FIRRM: variants seen among roughly 807,000 people sequenced by gnomAD.
FIRRM encodes the protein FIGNL1-interacting regulator of recombination and mitosis.
chr1:169,803,421 ACTTT>A, the FIRRM span: 14 of 1,056,918 alleles, frequency 1.3e-5, no homozygotes, highest in Admixed American at 1.2e-4. Flanking sequence ...ATTGAAATAA[ACTTT>A]TCCATAGAAT....
At chr1:169,811,812 A>ATTAT in the FIRRM span, among the ~76,000 whole-genome samples, 147 of 143,044 alleles carry the variant, frequency 1.0e-3, 5 homozygotes, top group East Asian at 9.8e-3. Context: ...TAGATAATAG[A>ATTAT]CAGATTATCT....
At chr1:169,823,273 A>AG in the FIRRM span, 8 of 503,416 alleles carry the variant, frequency 1.6e-5, no homozygotes, top group Non-Finnish European at 2.1e-5. Context: ...AGAAAAGAAA[A>AG]GAAAGAAAAA....
chr1:169,819,768 C>T, the FIRRM span, among the ~76,000 whole-genome samples: 1 of 152,124 alleles, frequency 6.6e-6, no homozygotes, highest in South Asian at 2.1e-4. Flanking sequence ...GGTAACCTTC[C>T]AGGTGCTCAG....
chr1:169,825,291 T>A, the FIRRM span, among the ~76,000 whole-genome samples: 1 of 152,358 alleles, frequency 6.6e-6, no homozygotes, highest in South Asian at 2.1e-4. Flanking sequence ...AAAATGACTT[T>A]CATCAATGGA....
At chr1:169,785,747 T>A in the FIRRM span, among the ~76,000 whole-genome samples, 2 of 152,216 alleles carry the variant, frequency 1.3e-5, no homozygotes, top group Middle Eastern at 3.4e-3. Flanking sequence ...GGAATGCCTC[T>A]TCTCACTTAG....
the FIRRM span, among the ~76,000 whole-genome samples, chr1:169,790,565 C>A: frequency 1.3e-5 from 2 of 152,130 alleles, no homozygotes; most frequent in Admixed American, 6.5e-5. Context: ...ACTTGCTGGA[C>A]CCTCTCCCTG....
chr1:169,853,311 T>TAA, the FIRRM span: 6 of 338,794 alleles, frequency 1.8e-5, no homozygotes, highest in Admixed American at 2.6e-4. Flanking sequence ...TAAAATTTTT[T>TAA]AAAGTTGTAT....
the FIRRM span, among the ~76,000 whole-genome samples, chr1:169,835,837 CTT>C: frequency 1.3e-5 from 2 of 152,134 alleles, no homozygotes; most frequent in Non-Finnish European, 2.9e-5. Flanking sequence ...GCACAGTTCT[CTT>C]GGCTTTCCTG....
the FIRRM span, chr1:169,794,905 A>G: frequency 1.7e-6 from 1 of 577,010 alleles, no homozygotes; most frequent in Non-Finnish European, 3.1e-6. Context: ...ATCGCGCACC[A>G]GTGAGTCGAG....
chr1:169,827,047 C>A, the FIRRM span: 1 of 1,608,910 alleles, frequency 6.2e-7, no homozygotes, highest in South Asian at 1.1e-5. Context: ...CTCTCCCTTC[C>A]CAGCAAGTTT....
chr1:169,849,808 T>A, the FIRRM span: 1 of 562,910 alleles, frequency 1.8e-6, no homozygotes, highest in South Asian at 2.1e-5. Flanking sequence ...GTCCTCTGAA[T>A]AAACAAGGAC....
chr1:169,825,320 CTTGTT>C, the FIRRM span, among the ~76,000 whole-genome samples: 1 of 152,160 alleles, frequency 6.6e-6, no homozygotes, highest in African/African-American at 2.4e-5. Flanking sequence ...TCTTTCTTTC[CTTGTT>C]TTATTTTTCT....
chr1:169,789,234 G>A, the FIRRM span, among the ~76,000 whole-genome samples: 7 of 152,218 alleles, frequency 4.6e-5, no homozygotes, highest in Non-Finnish European at 1.0e-4. Context: ...AGTTCATGGA[G>A]TCAGAGTTTC....
At chr1:169,826,362 AT>A in the FIRRM span, among the ~76,000 whole-genome samples, 18 of 129,852 alleles carry the variant, frequency 1.4e-4, no homozygotes, top group East Asian at 6.8e-4. Context: ...CACACCCGGC[AT>A]TTTTTTTTTT....
At chr1:169,832,910 C>T in the FIRRM span, among the ~76,000 whole-genome samples, 8 of 152,070 alleles carry the variant, frequency 5.3e-5, no homozygotes, top group African/African-American at 1.9e-4. Flanking sequence ...GGCCTTGCCT[C>T]CATTTATTTT....
At chr1:169,802,482 A>G in the FIRRM span, 3 of 532,416 alleles carry the variant, frequency 5.6e-6, no homozygotes, top group Admixed American at 3.7e-5. Flanking sequence ...ATTAGGTACA[A>G]TTGTTAAGCT....
the FIRRM span, among the ~76,000 whole-genome samples, chr1:169,815,673 A>G: frequency 2.0e-5 from 3 of 152,196 alleles, no homozygotes; most frequent in African/African-American, 7.2e-5. Flanking sequence ...TTTATCAGCA[A>G]GGTCTTTGTG....
the FIRRM span, chr1:169,826,967 C>A: frequency 8.5e-7 from 1 of 1,178,836 alleles, no homozygotes; most frequent in South Asian, 1.9e-5. Context: ...TTTTTACTAC[C>A]AGAACATCAG....
At chr1:169,818,852 A>G in the FIRRM span, among the ~76,000 whole-genome samples, 328 of 152,022 alleles carry the variant, frequency 2.2e-3, no homozygotes, top group Admixed American at 3.7e-3. Flanking sequence ...ACACCTGGCT[A>G]ATTTTTGTGT....
Sources: gnomAD v4.1 joint callset for allele counts (sites outside exome capture counted in the v4.1 genomes callset) on GRCh38, gnomAD v4.1.1 for gene constraint, MANE v1.5 for transcripts, NCBI Gene and HGNC (gene_info 2026-07-23, HGNC 2026-07-21) for gene names.